The following CSNK1G3 variants were observed in gnomAD, a reference collection of about 807,000 sequenced individuals.
The protein encoded by CSNK1G3 is casein kinase 1 gamma 3.
CSNK1G3 carries 23 observed loss-of-function variants against 64.3 expected under a neutral mutation model. That is an observed-to-expected ratio of 0.36 (90% confidence interval 0.26 to 0.51). CSNK1G3 has a LOEUF of 0.51. CSNK1G3 is among the 20% of genes least tolerant of loss of function. The pLI is 0.96. For synonymous variants in CSNK1G3, 158 were observed against 162.2 expected (o/e 0.97, Z 0.20); for missense variants, 357 against 510.5 (o/e 0.70, Z 2.90).
intron 1 of CSNK1G3, among the ~76,000 whole-genome samples, chr5:123,518,578 A>G (rs990127607): frequency 6.6e-6 from 1 of 152,174 alleles, no homozygotes; most frequent in African/African-American, 2.4e-5. Flanking sequence ...AAAAGCAAAT[A>G]CATCTTTTGC....
intron 12 of CSNK1G3, among the ~76,000 whole-genome samples, chr5:123,612,522 G>C (rs1416089346): frequency 6.6e-6 from 1 of 150,696 alleles, no homozygotes; most frequent in African/African-American, 2.4e-5. Flanking sequence ...CTGTCGCCCA[G>C]GCTGGAGTGC....
chr5:123,569,087 A>G (rs1209264526), intron 4 of CSNK1G3, among the ~76,000 whole-genome samples: 1 of 152,226 alleles, frequency 6.6e-6, no homozygotes, highest in African/African-American at 2.4e-5. Context: ...ATTTTTAGGT[A>G]GCTGCCAACT....
chr5:123,562,168 G>T (rs1785871065), intron 4 of CSNK1G3, among the ~76,000 whole-genome samples: 1 of 151,884 alleles, frequency 6.6e-6, no homozygotes, highest in African/African-American at 2.4e-5. Flanking sequence ...CTTTTCTAAT[G>T]AATTCTATTT....
intron 4 of CSNK1G3, among the ~76,000 whole-genome samples, chr5:123,565,516 T>A (rs1336319557): frequency 6.6e-6 from 1 of 152,250 alleles, no homozygotes; most frequent in Non-Finnish European, 1.5e-5. Context: ...GCTGTTTAAA[T>A]TAAATCAGGA....
chr5:123,613,517 G>A (rs933545466), intron 12 of CSNK1G3, among the ~76,000 whole-genome samples: 1 of 151,996 alleles, frequency 6.6e-6, no homozygotes, highest in Middle Eastern at 3.4e-3. Flanking sequence ...TTGTGTATGT[G>A]TATATGTAGT....
chr5:123,569,170 T>C (rs1787570410), intron 4 of CSNK1G3, among the ~76,000 whole-genome samples: 1 of 152,182 alleles, frequency 6.6e-6, no homozygotes, highest in Non-Finnish European at 1.5e-5. Context: ...TTGAAAATGA[T>C]AGGGTAATTT....
chr5:123,556,749 T>G (rs553356111), intron 3 of CSNK1G3, among the ~76,000 whole-genome samples: 1 of 142,830 alleles, frequency 7.0e-6, no homozygotes, highest in South Asian at 2.2e-4. Flanking sequence ...AAACCCATGT[T>G]TCCTCTGTAC....
At chr5:123,515,455 GA>G (rs1384746806) in intron 1 of CSNK1G3, among the ~76,000 whole-genome samples, 3 of 152,194 alleles carry the variant, frequency 2.0e-5, no homozygotes, top group Non-Finnish European at 4.4e-5. Flanking sequence ...TATTTTCACA[GA>G]AAGTGGTTTT....
chr5:123,561,374 A>G (rs1785675731), intron 4 of CSNK1G3, among the ~76,000 whole-genome samples: 1 of 152,250 alleles, frequency 6.6e-6, no homozygotes, highest in South Asian at 2.1e-4. Context: ...CAAGAAAAGA[A>G]TAGCAAGAAC....
chr5:123,575,406 AG>A (rs1788972438), intron 5 of CSNK1G3, among the ~76,000 whole-genome samples: 1 of 152,194 alleles, frequency 6.6e-6, no homozygotes, highest in Admixed American at 6.5e-5. Flanking sequence ...TTTGGGTTCA[AG>A]GTCTTATATC....
rs149573542 is a variant in CSNK1G3, at chr5:123,613,642, G to A, written c.1218-700G>A. ...CTGCCTCGGCCTCTCAAAGTGCTGGGATTACAGGCATGAGCCACTGTGCCC... is the reference window on the plus strand; with the variant it reads ...CTGCCTCGGCCTCTCAAAGTGCTGGAATTACAGGCATGAGCCACTGTGCCC... On this transcript the variant is annotated intron_variant, in intron 12 of 12. Coordinates refer to ENST00000345990, the Ensembl canonical transcript of CSNK1G3. Among the ~76,000 whole-genome samples the A allele has an allele frequency of 4.6e-3, 698 of 152,106 alleles. 6 individuals are homozygous for A. Among genetic ancestry groups the A allele is most frequent in the Non-Finnish European group, 4.3e-3 (295 of 67,980 alleles).
At chr5:123,539,052 A>AGCCTG (rs1351197478) in intron 1 of CSNK1G3, among the ~76,000 whole-genome samples, 2 of 152,156 alleles carry the variant, frequency 1.3e-5, no homozygotes, top group African/African-American at 4.8e-5. Context: ...TTTGTTTCTC[A>AGCCTG]GCCTGGCCTG....
At chr5:123,517,441 A>C (rs144694198) in intron 1 of CSNK1G3, among the ~76,000 whole-genome samples, 1 of 152,174 alleles carries the variant, frequency 6.6e-6, no homozygotes, top group Non-Finnish European at 1.5e-5. Flanking sequence ...ATGAGAACCA[A>C]TTGGCTACTT....
chr5:123,535,293 CATT>C (rs1780603064), intron 1 of CSNK1G3, among the ~76,000 whole-genome samples: 1 of 152,106 alleles, frequency 6.6e-6, no homozygotes, highest in Admixed American at 6.6e-5. Context: ...GATTTCTTAT[CATT>C]GTCGCATGTT....
At chr5:123,544,442 A>G (rs1172733375) in intron 1 of CSNK1G3, among the ~76,000 whole-genome samples, 3 of 152,190 alleles carry the variant, frequency 2.0e-5, no homozygotes, top group Admixed American at 6.5e-5. Flanking sequence ...AACCCTTTTT[A>G]TGGTTGCATT....
intron 4 of CSNK1G3, among the ~76,000 whole-genome samples, chr5:123,567,063 G>A (rs888806975): frequency 1.3e-5 from 2 of 152,190 alleles, no homozygotes; most frequent in Non-Finnish European, 2.9e-5. Context: ...CAATCATGGC[G>A]GAAGGTGAAA....
intron 8 of CSNK1G3, 91 bp downstream of exon 8, chr5:123,588,602 C>A: frequency 1.8e-5 from 15 of 823,132 alleles, no homozygotes; most frequent in Admixed American, 2.6e-5. Context: ...TTTTTCTATG[C>A]TTAAAAAAAA....
chr5:123,613,018 G>A (rs1367684121), intron 12 of CSNK1G3, among the ~76,000 whole-genome samples: 1 of 151,998 alleles, frequency 6.6e-6, no homozygotes, highest in Non-Finnish European at 1.5e-5. Flanking sequence ...CCTTAGGAAG[G>A]GGTTGACTGT....
At chr5:123,602,800 G>A (rs1334782011) in intron 10 of CSNK1G3, among the ~76,000 whole-genome samples, 1 of 152,096 alleles carries the variant, frequency 6.6e-6, no homozygotes, top group African/African-American at 2.4e-5. Context: ...GGTGAGAGTT[G>A]AAGCCATCAT....
Sources: allele counts gnomAD v4.1 joint callset (sites outside exome capture counted in the v4.1 genomes callset), GRCh38; gene constraint gnomAD v4.1.1; transcripts MANE v1.5; gene names NCBI Gene and HGNC (gene_info 2026-07-23, HGNC 2026-07-21).